Variants in LINGO2 observed in about 807,000 individuals in gnomAD.
The protein encoded by LINGO2 is leucine-rich repeat and immunoglobulin-like domain-containing nogo receptor-interacting protein 2.
Under a neutral mutation model 30.6 loss-of-function variants are expected in LINGO2, and 14 were observed. The ratio of observed to expected loss-of-function variants is 0.46; its 90% CI spans 0.30 to 0.72. The LOEUF is 0.72. LINGO2 is among the 30% of genes least tolerant of loss of function. The probability of loss-of-function intolerance (pLI) is 0.07; values close to 1 mark genes in which losing one functional copy is unlikely to be tolerated. For missense variants in LINGO2, 729 were observed against 751.7 expected, an observed-to-expected ratio of 0.97 and a Z score of 0.35; for synonymous variants, 317 against 288.5, an observed-to-expected ratio of 1.10 and a Z score of -1.00.
the LINGO2 span, among the ~76,000 whole-genome samples, chr9:28,991,067 G>A: frequency 2.6e-5 from 4 of 152,258 alleles, no homozygotes; most frequent in East Asian, 1.9e-4. Context: ...AAACTACTCC[G>A]AGCTACAGGA....
chr9:28,939,912 A>C, the LINGO2 span, among the ~76,000 whole-genome samples: 1 of 152,266 alleles, frequency 6.6e-6, no homozygotes, highest in Non-Finnish European at 1.5e-5. Context: ...AAATCTTGAG[A>C]GAATTAAGTT....
At chr9:28,303,966 T>C (rs776710547) in intron 3 of LINGO2, among the ~76,000 whole-genome samples, 19 of 152,126 alleles carry the variant, frequency 1.2e-4, no homozygotes, top group Non-Finnish European at 2.6e-4. Context: ...CCTGTGTATG[T>C]GTGTGTATGT....
intron 3 of LINGO2, among the ~76,000 whole-genome samples, chr9:28,348,992 C>T (rs1478883639): frequency 1.3e-5 from 2 of 150,158 alleles, no homozygotes; most frequent in African/African-American, 4.9e-5. Context: ...ACCAAAAACC[C>T]ATCTGTACAT....
chr9:28,566,894 A>C (rs1454560681), intron 1 of LINGO2, among the ~76,000 whole-genome samples: 1 of 152,196 alleles, frequency 6.6e-6, no homozygotes, highest in Non-Finnish European at 1.5e-5. Flanking sequence ...ACTTAAAACA[A>C]AAAGTTGCTA....
intron 1 of LINGO2, among the ~76,000 whole-genome samples, chr9:28,549,887 G>C (rs1049481720): frequency 2.7e-5 from 4 of 150,278 alleles, no homozygotes; most frequent in Non-Finnish European, 5.9e-5. Context: ...CTCCATTTTT[G>C]ATAATAATTT....
chr9:28,917,264 C>A, the LINGO2 span, among the ~76,000 whole-genome samples: 2 of 152,118 alleles, frequency 1.3e-5, no homozygotes, highest in African/African-American at 4.8e-5. Flanking sequence ...AGATATCCAA[C>A]TATGGAGAAT....
chr9:28,199,951 C>T (rs1309628510), intron 4 of LINGO2, among the ~76,000 whole-genome samples: 2 of 135,968 alleles, frequency 1.5e-5, no homozygotes, highest in Admixed American at 1.6e-4. Flanking sequence ...TGGTTATTTT[C>T]TGTTAGCTGA....
At chr9:28,465,785 CA>C (rs1049703579) in intron 2 of LINGO2, among the ~76,000 whole-genome samples, 2 of 151,810 alleles carry the variant, frequency 1.3e-5, no homozygotes, top group African/African-American at 4.8e-5. Flanking sequence ...ATAATCCAGT[CA>C]AAAATGGGTT....
chr9:28,111,355 T>A (rs1225687148), intron 4 of LINGO2, among the ~76,000 whole-genome samples: 2 of 152,064 alleles, frequency 1.3e-5, no homozygotes, highest in African/African-American at 4.8e-5. Context: ...TATACCTATG[T>A]AACAAACCTG....
the LINGO2 span, among the ~76,000 whole-genome samples, chr9:28,925,722 G>A: frequency 6.6e-6 from 1 of 152,154 alleles, no homozygotes; most frequent in Admixed American, 6.5e-5. Flanking sequence ...AAAACTGATG[G>A]TGGTTTTGGT....
the LINGO2 span, among the ~76,000 whole-genome samples, chr9:29,052,862 T>C: frequency 6.6e-6 from 1 of 152,136 alleles, no homozygotes; most frequent in Non-Finnish European, 1.5e-5. Context: ...CACAGTATCA[T>C]TAGTAATTAG....
chr9:29,137,420 A>G, the LINGO2 span, among the ~76,000 whole-genome samples: 1 of 152,206 alleles, frequency 6.6e-6, no homozygotes, highest in Non-Finnish European at 1.5e-5. Flanking sequence ...CTTGCTTTAA[A>G]GTAAACTAAA....
chr9:27,980,243 C>A (rs7018499), intron 5 of LINGO2, among the ~76,000 whole-genome samples: 50,048 of 151,792 alleles, frequency 0.33, 8,375 homozygotes, highest in South Asian at 0.35. Flanking sequence ...GGCACTCAAA[C>A]GTGCAGGATG....
the LINGO2 span, among the ~76,000 whole-genome samples, chr9:29,156,407 G>C: frequency 6.6e-6 from 1 of 152,012 alleles, no homozygotes. Context: ...TCATATTATA[G>C]CAGTCAATCA....
chr9:28,632,883 G>GT (rs1827066111), intron 1 of LINGO2, among the ~76,000 whole-genome samples: 7 of 76,550 alleles, frequency 9.1e-5, no homozygotes, highest in African/African-American at 4.3e-4. Flanking sequence ...TATATATGTA[G>GT]AGAGAGAGAG....
the LINGO2 span, chr9:27,940,569 G>C: frequency 6.6e-6 from 1 of 152,122 alleles, no homozygotes; most frequent in Non-Finnish European, 1.5e-5. Flanking sequence ...AAGAATATAG[G>C]GTTGTACAAT....
chr9:29,010,075 A>T, the LINGO2 span, among the ~76,000 whole-genome samples: 1 of 152,148 alleles, frequency 6.6e-6, no homozygotes, highest in Non-Finnish European at 1.5e-5. Flanking sequence ...ACCATAAAAA[A>T]CCCAAGAAGA....
intron 1 of LINGO2, among the ~76,000 whole-genome samples, chr9:28,553,748 G>C (rs1822458041): frequency 6.6e-6 from 1 of 151,938 alleles, no homozygotes; most frequent in African/African-American, 2.4e-5. Flanking sequence ...CAGCCAGAGA[G>C]AAAGGTCGGG....
intron 1 of LINGO2, among the ~76,000 whole-genome samples, chr9:28,561,148 G>A (rs1443917504): frequency 6.6e-6 from 1 of 151,884 alleles, no homozygotes; most frequent in Non-Finnish European, 1.5e-5. Context: ...TTATGTTTTT[G>A]TAACTCCTAC....
Sources: gnomAD v4.1 joint callset for allele counts (sites outside exome capture counted in the v4.1 genomes callset) on GRCh38, gnomAD v4.1.1 for gene constraint, MANE v1.5 for transcripts, NCBI Gene and HGNC (gene_info 2026-07-23, HGNC 2026-07-21) for gene names.